The following ZNF347 variants were observed in gnomAD, a reference collection of about 807,000 sequenced individuals.
ZNF347 encodes zinc finger protein 347.
In ZNF347, 19 loss-of-function variants were observed where a neutral mutation model predicts 12.9. The observed-to-expected ratio is 1.47, with a 90% CI of 1.03 to 2.16. The LOEUF is 2.16. Ranked by LOEUF, ZNF347 falls within the 30% of genes most tolerant of loss-of-function variation. The pLI is 0.00. For missense variants in ZNF347, 1,005 were observed against 990.6 expected (o/e 1.01, Z -0.19); for synonymous variants, 328 against 340.6 (o/e 0.96, Z 0.41).
At chr19:53,149,667 G>T in intron 2 of ZNF347, 2 of 360,276 alleles carry the variant, frequency 5.6e-6, no homozygotes, top group Non-Finnish European at 1.0e-5. Flanking sequence ...TTGGGACTTC[G>T]AGCCCCATCC....
intron 4 of ZNF347, among the ~76,000 whole-genome samples, chr19:53,144,295 C>T (rs1351819447): frequency 1.3e-5 from 2 of 152,006 alleles, no homozygotes; most frequent in Non-Finnish European, 1.5e-5. Context: ...AAAGATATTT[C>T]ATGGAACTAG....
rs145799805 is a variant in ZNF347 at position 53,141,472 on chromosome 19, G to A, written c.1356C>T (p.Thr452=). ...CATGACATTTGTAAGGCTTTTCTCC[G>A]GTGTGAATTACCAGATGAATAGCTA... ...SSLAIHLVIH[T]GEKPYKCHEC... Residue 452 remains threonine, a synonymous_variant, in exon 5 of 5, where the codon ACC becomes ACT. Transcript: ENST00000334197. 49 of 1,611,612 alleles carry A rather than the reference G, an allele frequency of 3.0e-5. No individual in the cohort carries two copies. In the Admixed American group the frequency reaches 3.5e-4, roughly 12 times the overall value.
At chr19:53,149,828 C>T (rs1406250666) in intron 2 of ZNF347, among the ~76,000 whole-genome samples, 1 of 152,042 alleles carries the variant, frequency 6.6e-6, no homozygotes, top group Non-Finnish European at 1.5e-5. Flanking sequence ...CACACGGAGG[C>T]TCTGAGGACG....
chr19:53,142,887 G>C (rs1243222952), intron 4 of ZNF347, among the ~76,000 whole-genome samples: 1 of 152,130 alleles, frequency 6.6e-6, no homozygotes, highest in Non-Finnish European at 1.5e-5. Context: ...AATTTACCAT[G>C]ATCAGACCTG....
Position 53,157,785 on chromosome 19 carries a change from C to T in ZNF347, c.-47+1224G>A, listed in dbSNP as rs528742215. On this transcript the variant is annotated intron_variant, in intron 1 of 4. Coordinates refer to ENST00000334197, the MANE Select transcript of ZNF347 (RefSeq NM_032584.3). ...ACCACGCTGCTTGTCTGCCCTGGCTCCAAATCCCTCCTCCTCTCCCGGACT... is the reference window on the plus strand; with the variant it reads ...ACCACGCTGCTTGTCTGCCCTGGCTTCAAATCCCTCCTCCTCTCCCGGACT... Among the ~76,000 whole-genome samples the T allele has an allele frequency of 2.0e-4, 31 of 152,270 alleles. No individual in the cohort carries two copies. In the East Asian group the frequency reaches 4.5e-3, roughly 22 times the overall value.
chr19:53,146,271 G>T (rs910524922), intron 4 of ZNF347, among the ~76,000 whole-genome samples: 2 of 151,780 alleles, frequency 1.3e-5, no homozygotes, highest in Non-Finnish European at 2.9e-5. Context: ...CACCGTGCCC[G>T]GCCTAAAAAA....
chr19:53,149,226 G>C lies in ZNF347; in HGVS notation c.142+15C>G, dbSNP rs751673911. 78 of 1,610,562 alleles carry C rather than the reference G, an allele frequency of 4.8e-5. No individual in the cohort carries two copies. Among genetic ancestry groups the C allele is most frequent in the Non-Finnish European group, 6.2e-5 (73 of 1,179,000 alleles). ...CAGGGGCAGATCCTGACTTCTGGAA[G>C]AAAGTCATCCTCACCCAGGGAGGCC... On this transcript the variant is annotated intron_variant, in intron 3 of 4. Coordinates refer to ENST00000334197, the MANE Select transcript of ZNF347 (RefSeq NM_032584.3).
In ZNF347 at chr19:53,153,724, T is replaced by C; in HGVS notation, c.15+9A>G. 1.2e-6 allele frequency: 2 copies of C among 1,613,730 alleles called. No individual in the cohort carries two copies. Among genetic ancestry groups the C allele is most frequent in the Non-Finnish European group, 1.7e-6 (2 of 1,179,598 alleles). ...GAGACAGAACAATCCACTGATAATA[T>C]TACCTTACCTGGGTGAGAGCCATGC... On this transcript the variant is annotated intron_variant, in intron 2 of 4. Coordinates refer to ENST00000334197, the MANE Select transcript of ZNF347 (RefSeq NM_032584.3).
chr19:53,156,951 G>C (rs2090539855), intron 1 of ZNF347, among the ~76,000 whole-genome samples: 1 of 152,188 alleles, frequency 6.6e-6, no homozygotes, highest in Non-Finnish European at 1.5e-5. Flanking sequence ...ATTTTCGTGA[G>C]TGGAGGCGAG....
Position 53,139,130 on chromosome 19 carries a change from T to TA in ZNF347, c.*1177dup, listed in dbSNP as rs2090403475. On this transcript the variant is annotated 3_prime_UTR_variant, in exon 5 of 5. Transcript: ENST00000334197. ...CTAATAACTTATTACTCTCCTCTCATAAAAATTCCAGTGTCCTGAGGTCTT... is the reference window on the plus strand; with the variant it reads ...CTAATAACTTATTACTCTCCTCTCATAAAAAATTCCAGTGTCCTGAGGTCTT... 6.6e-6 allele frequency: 1 copy of TA among 152,176 alleles called. No individual in the cohort carries two copies. The highest frequency in any genetic ancestry group is 6.5e-5 in the Admixed American group (1 of 15,270). The allele number at this position is 152,176 out of a possible 1,614,324, so 9.4% of individuals were successfully genotyped here.
At chr19:53,150,148 GC>G (rs1293512325) in intron 2 of ZNF347, among the ~76,000 whole-genome samples, 1 of 152,144 alleles carries the variant, frequency 6.6e-6, no homozygotes, top group Non-Finnish European at 1.5e-5. Flanking sequence ...ATTGAAGTGG[GC>G]ACACTCTTGT....
intron 2 of ZNF347, 103 bp from the exon 3 acceptor site, chr19:53,149,470 A>G: frequency 6.3e-7 from 1 of 1,578,600 alleles, no homozygotes; most frequent in African/African-American, 1.4e-5. Flanking sequence ...GTGGGCCGAT[A>G]TCCAAGTTGT....
intron 2 of ZNF347, among the ~76,000 whole-genome samples, chr19:53,152,909 G>A (rs778434213): frequency 9.2e-5 from 14 of 152,134 alleles, no homozygotes; most frequent in South Asian, 2.1e-4. Context: ...CAGCCTGGGC[G>A]ACAGAGCAAG....
intron 1 of ZNF347, among the ~76,000 whole-genome samples, chr19:53,154,954 T>G (rs892052809): frequency 5.9e-5 from 9 of 151,962 alleles, no homozygotes; most frequent in Non-Finnish European, 1.2e-4. Flanking sequence ...TTTTTTTTTT[T>G]GAGATGAAGT....
Position 53,139,518 on chromosome 19 carries a change from G to T in ZNF347, c.*790C>A, listed in dbSNP as rs959977075. On this transcript the variant is annotated 3_prime_UTR_variant, in exon 5 of 5. Coordinates refer to ENST00000334197, the MANE Select transcript of ZNF347 (RefSeq NM_032584.3). The stretch of plus-strand genomic sequence containing the variant: ...AGAAACCTCAAACAATGGAATAAAA[G>T]ATTTTATAACCTGAAGGTAAGTAGC... 8 of 152,128 alleles carry T rather than the reference G, an allele frequency of 5.3e-5. No homozygotes were observed. Among genetic ancestry groups the T allele is most frequent in the East Asian group, 1.9e-4 (1 of 5,200 alleles). The allele number at this position is 152,128 out of a possible 1,614,324, so 9.4% of individuals were successfully genotyped here.
chr19:53,149,096 G>C (rs956328947), intron 3 of ZNF347, 145 bp downstream of exon 3: 2 of 1,485,216 alleles, frequency 1.3e-6, no homozygotes, highest in African/African-American at 2.8e-5. Context: ...TTAAAATCCA[G>C]TTTCCACATT....
At position 53,140,998 on chromosome 19, in the gene ZNF347, T is replaced by C. The variant is rs1489263365; in HGVS notation, c.1830A>G (p.Ser610=). 6 of 1,613,766 alleles carry C rather than the reference T, an allele frequency of 3.7e-6. No individual in the cohort carries two copies. The highest frequency in any genetic ancestry group is 1.3e-5 in the African/African-American group (1 of 74,800). Residue 610 remains serine (S), a synonymous_variant, in exon 5 of 5, where the codon TCA becomes TCG. Transcript: ENST00000334197. ...NECGKVFRHN[S]YLSRHQRIHT... is the part of the protein sequence containing the mutation. The stretch of plus-strand genomic sequence containing the variant: ...GAATTCGCTGATGCCTTGAAAGGTA[T>C]GAATTATGCCTAAAGACCTTGCCAC...
intron 1 of ZNF347, among the ~76,000 whole-genome samples, chr19:53,157,854 C>T (rs2146819435): frequency 6.6e-6 from 1 of 152,330 alleles, no homozygotes; most frequent in Non-Finnish European, 1.5e-5. Flanking sequence ...CCCTACCTTG[C>T]TGTCCTTCAT....
At chr19:53,149,052 C>T in intron 3 of ZNF347, 189 bp downstream of exon 3, 1 of 1,282,234 alleles carries the variant, frequency 7.8e-7, no homozygotes. Context: ...TTTAAAAGTC[C>T]TGAAACCCTC....
Sources: allele counts gnomAD v4.1 joint callset (sites outside exome capture counted in the v4.1 genomes callset), GRCh38; gene constraint gnomAD v4.1.1; transcripts MANE v1.5; gene names NCBI Gene and HGNC (gene_info 2026-07-23, HGNC 2026-07-21).